The following RPL10A variants were observed in gnomAD, a reference collection of about 807,000 sequenced individuals.
RPL10A encodes ribosomal protein L10a, also known as large ribosomal subunit protein uL1.
Under a neutral mutation model 24.6 loss-of-function variants are expected in RPL10A, and 11 were observed. The observed-to-expected ratio is 0.45, with a 90% CI of 0.28 to 0.74. RPL10A has a LOEUF of 0.74. Among genes scored for constraint, RPL10A ranks in the 30% least tolerant of loss-of-function variants. RPL10A has a pLI of 0.13. For synonymous variants in RPL10A, 98 were observed against 108.5 expected (o/e 0.90, Z 0.60); for missense variants, 136 against 273.1 (o/e 0.50, Z 3.54).
intron 4 of RPL10A, 116 bp downstream of exon 4, chr6:35,469,645 G>C (rs1355111621): frequency 1.3e-5 from 16 of 1,245,206 alleles, no homozygotes; most frequent in Non-Finnish European, 1.8e-5. Context: ...AAGGATCGGC[G>C]GTGGTTGCCT....
At position 35,469,485 on chromosome 6, in the gene RPL10A, C is replaced by T; in HGVS notation, c.266C>T (p.Ala89Val). The change falls in exon 4 of 6, where the codon GCG (alanine) becomes GTG (valine). Residue 89 changes from alanine (A) to valine (V), a missense_variant. Ala to Val is a moderately conservative substitution (Grantham distance 64). Around this residue, in one of 3 missense-constraint regions of RPL10A, gnomAD observed 88 missense variants for 149.2 expected, o/e 0.59. Transcript: ENST00000322203. ...GATATCCCCCACATGGACATCGAGG[C>T]GCTGAAAAAACTCAACAAGAATAAA... ...AVDIPHMDIE[A>V]LKKLNKNKKL... 2 of 1,613,954 alleles carry T rather than the reference C, an allele frequency of 1.2e-6. No individual in the cohort carries two copies. The highest frequency in any genetic ancestry group is 1.7e-5 in the Admixed American group (1 of 60,010).
Position 35,468,979 on chromosome 6 carries a change from TGAA to T in RPL10A, c.117_119del (p.Lys39del), listed in dbSNP as rs1561799423. ...GAGACGGTGGAGTTGCAGATCAGCT[TGAA>T]GAACTATGATCCCCAGAAGGACAAG... On this transcript the variant is annotated inframe_deletion, in exon 3 of 6. Coordinates refer to ENST00000322203, the MANE Select transcript of RPL10A (RefSeq NM_007104.5). 2 of 1,613,602 alleles carry T rather than the reference TGAA, an allele frequency of 1.2e-6. No homozygotes were observed. The highest frequency in any genetic ancestry group is 8.5e-7 in the Non-Finnish European group (1 of 1,179,886).
chr6:35,468,700 G>T, intron 1 of RPL10A, 99 bp from the exon 2 acceptor site: 2 of 1,533,156 alleles, frequency 1.3e-6, no homozygotes, highest in South Asian at 2.4e-5. Flanking sequence ...TCCGCCGTGG[G>T]CCGCCCGCCC....
In RPL10A at chr6:35,468,448, G is replaced by A. The variant is rs372291086; in HGVS notation, c.5+9G>A. The A allele has an allele frequency of 4.3e-5, 70 of 1,613,914 alleles. No homozygotes were observed. The African/African-American group carries it at 6.8e-4, about 16-fold the overall frequency. ...GCGTGAGAAGCCATGAGGTGAGTTG[G>A]TCCTGAAAGCCCTATCCGCGTTCAT... On this transcript the variant is annotated intron_variant, in intron 1 of 5. Coordinates refer to ENST00000322203, the MANE Select transcript of RPL10A (RefSeq NM_007104.5).
Position 35,470,134 on chromosome 6 carries a change from G to T in RPL10A, c.311-45G>T, listed in dbSNP as rs1416026022. On this transcript the variant is annotated intron_variant, in intron 4 of 5. Transcript: ENST00000322203. The surrounding 1 kb of genome is among the most constrained non-coding windows in gnomAD (Gnocchi z 4.6). ...CCTGCCACATTTGAGGTGTGCCTTG[G>T]TGACCAGGTTCTAAGCAATGCCAAT... 2 of 1,579,990 alleles carry T rather than the reference G, an allele frequency of 1.3e-6. No homozygotes were observed. Among genetic ancestry groups the T allele is most frequent in the Non-Finnish European group, 1.7e-6 (2 of 1,157,016 alleles).
chr6:35,469,792 G>C (rs1767986909), intron 4 of RPL10A, among the ~76,000 whole-genome samples: 1 of 152,120 alleles, frequency 6.6e-6, no homozygotes, highest in African/African-American at 2.4e-5. Context: ...AAATCTTTAC[G>C]CTGCGTTGTT....
In RPL10A at chr6:35,469,053, G is replaced by A. The variant is rs751513613; in HGVS notation, c.161+26G>A. ...GTTGGCACCGTTCTGATCCCACCCA[G>A]CCCTCAGTGCCCCCGTGCTTGCCCC... is the stretch of plus-strand genomic sequence containing the variant. On this transcript the variant is annotated intron_variant, in intron 3 of 5. Coordinates refer to ENST00000322203, the MANE Select transcript of RPL10A (RefSeq NM_007104.5). 7.2e-5 allele frequency: 116 copies of A among 1,610,030 alleles called. No homozygotes were observed. The South Asian group carries it at 1.2e-3, about 17-fold the overall frequency.
At position 35,468,795 on chromosome 6, in the gene RPL10A, G is replaced by A. The variant is rs764594826; in HGVS notation, c.6-4G>A. The A allele has an allele frequency of 1.9e-6, 3 of 1,593,154 alleles. No individual in the cohort carries two copies. In the South Asian group the frequency reaches 3.4e-5, roughly 18 times the overall value. ...CTGAGCGCCCTGTCGCTTCTCTCCC[G>A]CAGCAGCAAAGTCTCTCGCGACACC... On this transcript the variant is annotated splice_region_variant and splice_polypyrimidine_tract_variant and intron_variant, in intron 1 of 5. Transcript: ENST00000322203.
At chr6:35,468,690 T>A in intron 1 of RPL10A, 109 bp from the exon 2 acceptor site, 1 of 1,526,872 alleles carries the variant, frequency 6.5e-7, no homozygotes, top group South Asian at 1.2e-5. Flanking sequence ...TACGGGGGAG[T>A]CCGCCGTGGG....
At chr6:35,469,134 G>A in intron 3 of RPL10A, 107 bp downstream of exon 3, 1 of 1,534,080 alleles carries the variant, frequency 6.5e-7, no homozygotes, top group Non-Finnish European at 8.8e-7. Flanking sequence ...GATGTGCTAG[G>A]GTAGTTCAGA....
In RPL10A at chr6:35,468,804, A is replaced by G. The variant is rs2150907338; in HGVS notation, c.11A>G (p.Lys4Arg). The change falls in exon 2 of 6, where the codon AAA becomes AGA. Residue 4 changes from lysine (K) to arginine (R), a missense_variant. Transcript: ENST00000322203. Reference sequence around the variant, plus strand: ...CTGTCGCTTCTCTCCCGCAGCAGCAAAGTCTCTCGCGACACCCTGTACGAG... The same window carrying G: ...CTGTCGCTTCTCTCCCGCAGCAGCAGAGTCTCTCGCGACACCCTGTACGAG... MSS[K>R]VSRDTLYEAV... 6.2e-7 allele frequency: 1 copy of G among 1,601,580 alleles called. No individual in the cohort carries two copies. The highest frequency in any genetic ancestry group is 8.5e-7 in the Non-Finnish European group (1 of 1,174,422).
At position 35,470,183 on chromosome 6, in the gene RPL10A, G is replaced by T; in HGVS notation, c.315G>T (p.Lys105Asn). 6.2e-7 allele frequency: 1 copy of T among 1,612,990 alleles called. No individual in the cohort carries two copies. ...KNKKLVKKLA[K>N]KYDAFLASES... is the part of the protein sequence containing the mutation. Reference sequence around the variant, plus strand: ...ATGGCTTCCTCTCTCTATCAGCCAAGAAGTATGATGCGTTTTTGGCCTCAG... The same window carrying T: ...ATGGCTTCCTCTCTCTATCAGCCAATAAGTATGATGCGTTTTTGGCCTCAG... The change falls in exon 5 of 6, where the codon AAG becomes AAT. Residue 105 changes from lysine (K) to asparagine (N), a missense_variant. By Grantham distance (94) the Lys-to-Asn change is moderately conservative. Around this residue, in one of 3 missense-constraint regions of RPL10A, gnomAD observed 88 missense variants for 149.2 expected, o/e 0.59. Transcript: ENST00000322203. This position sits in a 1 kb window ranked among gnomAD's most constrained non-coding sequence, Gnocchi z 4.6.
At position 35,468,433 on chromosome 6, in the gene RPL10A, C is replaced by T. The variant is rs371703850; in HGVS notation, c.-2C>T. ...TTTCCGGTTAGCGCGGCGTGAGAAG[C>T]CATGAGGTGAGTTGGTCCTGAAAGC... On this transcript the variant is annotated 5_prime_UTR_variant, in exon 1 of 6. Coordinates refer to ENST00000322203, the MANE Select transcript of RPL10A (RefSeq NM_007104.5). 3.5e-5 allele frequency: 57 copies of T among 1,614,072 alleles called. No homozygotes were observed. Among genetic ancestry groups the T allele is most frequent in the East Asian group, 4.5e-5 (2 of 44,882 alleles).
At position 35,470,161 on chromosome 6, in the gene RPL10A, G is replaced by C; in HGVS notation, c.311-18G>C. On this transcript the variant is annotated intron_variant, in intron 4 of 5. Coordinates refer to ENST00000322203, the MANE Select transcript of RPL10A (RefSeq NM_007104.5). The surrounding 1 kb of genome is among the most constrained non-coding windows in gnomAD (Gnocchi z 4.6). ...GACCAGGTTCTAAGCAATGCCAATG[G>C]CTTCCTCTCTCTATCAGCCAAGAAG... 6.2e-7 allele frequency: 1 copy of C among 1,607,918 alleles called. No homozygotes were observed. Among genetic ancestry groups the C allele is most frequent in the Non-Finnish European group, 8.5e-7 (1 of 1,175,496 alleles).
intron 3 of RPL10A, 54 bp from the exon 4 acceptor site, chr6:35,469,327 C>T: frequency 6.5e-7 from 1 of 1,533,136 alleles, no homozygotes; most frequent in Admixed American, 2.2e-5. Flanking sequence ...CCTTCACCGG[C>T]CCTTGGGACC....
In RPL10A at chr6:35,470,152, A is replaced by G; in HGVS notation, c.311-27A>G. 1.2e-6 allele frequency: 2 copies of G among 1,604,528 alleles called. No individual in the cohort carries two copies. Among genetic ancestry groups the G allele is most frequent in the South Asian group, 2.2e-5 (2 of 90,326 alleles). On this transcript the variant is annotated intron_variant, in intron 4 of 5. Coordinates refer to ENST00000322203, the MANE Select transcript of RPL10A (RefSeq NM_007104.5). This position sits in a 1 kb window ranked among gnomAD's most constrained non-coding sequence, Gnocchi z 4.6. Reference sequence around the variant, plus strand: ...TGCCTTGGTGACCAGGTTCTAAGCAATGCCAATGGCTTCCTCTCTCTATCA... The same window carrying G: ...TGCCTTGGTGACCAGGTTCTAAGCAGTGCCAATGGCTTCCTCTCTCTATCA...
intron 1 of RPL10A, 27 bp downstream of exon 1, chr6:35,468,466 G>A: frequency 6.2e-7 from 1 of 1,613,870 alleles, no homozygotes; most frequent in Non-Finnish European, 8.5e-7. Flanking sequence ...AGCCCTATCC[G>A]CGTTCATCCG....
Position 35,469,363 on chromosome 6 carries a change from C to A in RPL10A, c.162-18C>A. 1 of 1,590,478 alleles carries A rather than the reference C, an allele frequency of 6.3e-7. No homozygotes were observed. The highest frequency in any genetic ancestry group is 8.5e-7 in the Non-Finnish European group (1 of 1,170,746). Reference sequence around the variant, plus strand: ...CAGGGCTAGGCGTAACCTGTTGGTGCTGTCCCCCAAAACGCAGGCTTAAGT... The same window carrying A: ...CAGGGCTAGGCGTAACCTGTTGGTGATGTCCCCCAAAACGCAGGCTTAAGT... On this transcript the variant is annotated intron_variant, in intron 3 of 5. Transcript: ENST00000322203.
chr6:35,469,178 C>T, intron 3 of RPL10A, 151 bp downstream of exon 3: 1 of 1,468,496 alleles, frequency 6.8e-7, no homozygotes, highest in Non-Finnish European at 9.0e-7. Flanking sequence ...CTGGACGGAC[C>T]CCCACCCTGG....
Sources: allele counts gnomAD v4.1 joint callset (sites outside exome capture counted in the v4.1 genomes callset), GRCh38; gene constraint gnomAD v4.1.1; regional missense constraint gnomAD v4.1.1; non-coding constraint Gnocchi (gnomAD v3.1); transcripts MANE v1.5; gene names NCBI Gene and HGNC (gene_info 2026-07-23, HGNC 2026-07-21).